Variants in LENG8 observed in about 807,000 individuals in gnomAD.
The protein encoded by LENG8 is leukocyte receptor cluster (LRC) member 8.
In LENG8, 28 loss-of-function variants were observed where a neutral mutation model predicts 102.1. The observed-to-expected ratio is 0.27, with a 90% CI of 0.20 to 0.38. The LOEUF (loss-of-function observed/expected upper bound fraction) is 0.38. Ranked by LOEUF, LENG8 falls within the 10% of genes least tolerant of loss-of-function variation. The pLI is 1.00. For missense variants in LENG8, 1,022 were observed against 1,113.9 expected (o/e 0.92, Z 1.17); for synonymous variants, 531 against 456.7 (o/e 1.16, Z -2.07).
rs1248556325 is a variant in LENG8, at chr19:54,460,826, C to T, written c.2301C>T (p.Ala767=). Residue 767 remains alanine (A), a synonymous_variant, in exon 16 of 16, where the codon GCC becomes GCT. Coordinates refer to ENST00000326764, the MANE Select transcript of LENG8 (RefSeq NM_052925.4). ...LQAELAFEGE[A]ACRAFLEPLG... Reference sequence around the variant, plus strand: ...CCGAGCTGGCCTTCGAGGGCGAGGCCGCCTGCCGGGCCTTCCTAGAGCCCC... The same window carrying T: ...CCGAGCTGGCCTTCGAGGGCGAGGCTGCCTGCCGGGCCTTCCTAGAGCCCC... The T allele has an allele frequency of 7.6e-6, 12 of 1,580,250 alleles. No individual in the cohort carries two copies. The highest frequency in any genetic ancestry group is 1.7e-4 in the Middle Eastern group (1 of 6,020).
rs1429579675 is a variant in LENG8 at position 54,457,062 on chromosome 19, C to T, written c.1731+141C>T. On this transcript the variant is annotated intron_variant, in intron 11 of 15. Coordinates refer to ENST00000326764, the MANE Select transcript of LENG8 (RefSeq NM_052925.4). ...CTCGGCCAGAGACGCCTCGGCTGGT[C>T]GGCATTCTGAGAGGAGCGCAAAGGC... 42 of 1,020,504 alleles carry T rather than the reference C, an allele frequency of 4.1e-5. 1 individual carries two copies. The highest frequency in any genetic ancestry group is 1.8e-4 in the South Asian group (11 of 59,532). The allele number at this position is 1,020,504 out of a possible 1,614,324, so 63.2% of individuals were successfully genotyped here. A position where few individuals can be genotyped will look rare whatever the true frequency, so the allele number is the denominator to read the frequency against.
intron 15 of LENG8, chr19:54,459,136 C>G: frequency 7.7e-7 from 1 of 1,306,350 alleles, no homozygotes; most frequent in Non-Finnish European, 9.7e-7. Flanking sequence ...ACGCATGGTT[C>G]TGTCTGGTGA....
In LENG8 at chr19:54,460,257, G is replaced by A. The variant is rs554268954; in HGVS notation, c.2241-509G>A. 3.1e-4 allele frequency: 401 copies of A among 1,278,896 alleles called. 5 individuals are homozygous for A. In the South Asian group the frequency reaches 4.1e-3, roughly 13 times the overall value. 79.2% of individuals were successfully genotyped at this position (1,278,896 alleles called of 1,614,324 possible). On this transcript the variant is annotated intron_variant, in intron 15 of 15. Coordinates refer to ENST00000326764, the MANE Select transcript of LENG8 (RefSeq NM_052925.4). ...TCAGGGAGCTCTGAGGACCTGGCTC[G>A]TGCTAGATGCTCAGTCAGTAGTGTG...
At chr19:54,459,938 G>T (rs2084446142) in intron 15 of LENG8, 6 of 1,203,182 alleles carry the variant, frequency 5.0e-6, no homozygotes, top group Non-Finnish European at 6.4e-6. Flanking sequence ...GGTTGGGCGA[G>T]TGTCCTTGTT....
chr19:54,455,117 C>T (rs112381262), intron 7 of LENG8, 25 bp downstream of exon 7: 27 of 1,613,808 alleles, frequency 1.7e-5, no homozygotes, highest in South Asian at 3.3e-5. Context: ...CTTGCCCCGT[C>T]GCAGCCCCAC....
intron 1 of LENG8, among the ~76,000 whole-genome samples, chr19:54,450,114 A>AC (rs1569285954): frequency 6.6e-6 from 1 of 151,820 alleles, no homozygotes; most frequent in East Asian, 1.9e-4. Flanking sequence ...TTCTCTCTGT[A>AC]CCCCACTCTT....
chr19:54,451,413 C>T (rs375701525), intron 2 of LENG8, 31 bp downstream of exon 2: 68 of 1,611,456 alleles, frequency 4.2e-5, no homozygotes, highest in South Asian at 6.6e-5. Context: ...GGAGGCCAGT[C>T]GGGAGGGAAA....
Position 54,455,950 on chromosome 19 carries a change from C to T in LENG8, c.1026-17C>T, listed in dbSNP as rs1325112461. ...GTCTGGCGGGGTTGGTGACGCCCTGCCCTGCTGTATTCTCAGGCTGACCCG... is the reference window on the plus strand; with the variant it reads ...GTCTGGCGGGGTTGGTGACGCCCTGTCCTGCTGTATTCTCAGGCTGACCCG... On this transcript the variant is annotated splice_polypyrimidine_tract_variant and intron_variant, in intron 8 of 15. Transcript: ENST00000326764. The T allele has an allele frequency of 6.2e-7, 1 of 1,606,862 alleles. No homozygotes were observed.
chr19:54,454,182 C>T (rs2084097200), intron 5 of LENG8, among the ~76,000 whole-genome samples: 1 of 152,118 alleles, frequency 6.6e-6, no homozygotes. Context: ...CCAGCTGCCG[C>T]TTCATAGCTT....
At chr19:54,453,234 T>G (rs76217331) in intron 4 of LENG8, among the ~76,000 whole-genome samples, 2,219 of 152,302 alleles carry the variant, frequency 0.015, 53 homozygotes, top group African/African-American at 0.051. Flanking sequence ...TGTTGATGTC[T>G]CCAGCCGGAC....
intron 11 of LENG8, 76 bp from the exon 12 acceptor site, chr19:54,457,671 C>G: frequency 9.7e-7 from 1 of 1,026,544 alleles, no homozygotes; most frequent in Non-Finnish European, 1.5e-6. Flanking sequence ...TTGCAACTCT[C>G]CCACCAAATA....
Position 54,456,417 on chromosome 19 carries a change from G to A in LENG8, c.1397G>A (p.Arg466Gln), listed in dbSNP as rs1443402403. 8.7e-6 allele frequency: 14 copies of A among 1,610,032 alleles called. No individual in the cohort carries two copies. The highest frequency in any genetic ancestry group is 2.2e-5 in the East Asian group (1 of 44,872). Residue 466 changes from arginine to glutamine, a missense_variant, in exon 10 of 16, where the codon CGA becomes CAA. Physicochemically the swap from Arg to Gln is conservative, Grantham distance 43. This residue lies in a region of LENG8 where 326 missense variants were observed against 324.5 expected (regional missense o/e 1.00). Coordinates refer to ENST00000326764, the MANE Select transcript of LENG8 (RefSeq NM_052925.4). ...CCGCCCCCTAAGGGCCGGGGCGGTC[G>A]AGGGGCCCATATGGATCGGGGCCGA... is the stretch of plus-strand genomic sequence containing the variant. The part of the protein sequence containing the change: ...RNPPPKGRGG[R>Q]GAHMDRGRGR...
rs554394635 is a variant in LENG8, at chr19:54,451,163, A to G, written c.-55-127A>G. 6 of 658,502 alleles carry G rather than the reference A, an allele frequency of 9.1e-6. No homozygotes were observed. In the African/African-American group the frequency reaches 1.1e-4, roughly 12 times the overall value. The allele number at this position is 658,502 out of a possible 1,614,324, so 40.8% of individuals were successfully genotyped here. On this transcript the variant is annotated intron_variant, in intron 1 of 15. Transcript: ENST00000326764. ...CAGAACTCTTCAGATCCTTGACCCC[A>G]GTGGCTTTTCAGTCAGCCTCCCCTT...
intron 2 of LENG8, among the ~76,000 whole-genome samples, chr19:54,451,626 G>A (rs1458121472): frequency 1.3e-5 from 2 of 152,188 alleles, no homozygotes; most frequent in Admixed American, 1.3e-4. Context: ...GAATTGTGAT[G>A]ATTCATTCAA....
rs1358033239 is a variant in LENG8 at position 54,453,455 on chromosome 19, A to AGGGGGT, written c.316-90_316-89insGGGGTG. The AGGGGGT allele has an allele frequency of 2.2e-3, 1,772 of 788,912 alleles. 14 individuals are homozygous for AGGGGGT. The African/African-American group carries it at 0.024, about 11-fold the overall frequency. The allele number at this position is 788,912 out of a possible 1,614,324, so 48.9% of individuals were successfully genotyped here. A position where few individuals can be genotyped will look rare whatever the true frequency, so the allele number is the denominator to read the frequency against. ...AGAGAGAAAGGGGTGAGGGATTGGT[A>AGGGGGT]GAGGGTCATGGCTGGTGTAGTTCCT... On this transcript the variant is annotated intron_variant, in intron 4 of 15. Coordinates refer to ENST00000326764, the MANE Select transcript of LENG8 (RefSeq NM_052925.4).
At chr19:54,460,483 A>G (rs2084475944) in intron 15 of LENG8, 1 of 1,330,324 alleles carries the variant, frequency 7.5e-7, no homozygotes, top group Non-Finnish European at 9.7e-7. Flanking sequence ...CCCCTCAGCC[A>G]GCGGAGGAGC....
At chr19:54,459,634 T>C in intron 15 of LENG8, 1 of 995,580 alleles carries the variant, frequency 1.0e-6, no homozygotes, top group Non-Finnish European at 1.2e-6. Context: ...CCTGGCCAGG[T>C]GGCCCTCCGT....
intron 4 of LENG8, 106 bp from the exon 5 acceptor site, chr19:54,453,440 G>A (rs1344405391): frequency 2.8e-6 from 2 of 723,968 alleles, no homozygotes; most frequent in East Asian, 5.3e-5. Context: ...AGAGAGAAAG[G>A]GGTGAGGGAT....
In LENG8 at chr19:54,460,199, G is replaced by T. The variant is rs1033584975; in HGVS notation, c.2241-567G>T. 7.0e-6 allele frequency: 9 copies of T among 1,289,880 alleles called. No individual in the cohort carries two copies. The Admixed American group carries it at 1.6e-4, about 23-fold the overall frequency. 79.9% of individuals were successfully genotyped at this position (1,289,880 alleles called of 1,614,324 possible). On this transcript the variant is annotated intron_variant, in intron 15 of 15. Coordinates refer to ENST00000326764, the MANE Select transcript of LENG8 (RefSeq NM_052925.4). ...CGGTGCCTGGGTTCCTGTGTGTGTG[G>T]AAAGGGTAGGGCTGCACCCTGTGGA...
Sources: gnomAD v4.1 joint callset for allele counts (sites outside exome capture counted in the v4.1 genomes callset) on GRCh38, gnomAD v4.1.1 for gene constraint, gnomAD v4.1.1 regional missense constraint, MANE v1.5 for transcripts, NCBI Gene and HGNC (gene_info 2026-07-23, HGNC 2026-07-21) for gene names.